Variants in SMAGP observed in about 807,000 individuals in gnomAD.
SMAGP encodes the protein small cell adhesion glycoprotein, also known as small cell transmembrane and glycosylated protein.
SMAGP carries 7 observed loss-of-function variants against 10.1 expected under a neutral mutation model. The ratio of observed to expected loss-of-function variants is 0.70; its 90% CI spans 0.40 to 1.31. The LOEUF is 1.31. Ranked by LOEUF, SMAGP falls within the 50% of genes most tolerant of loss-of-function variation. SMAGP has a pLI of 0.01. For synonymous variants in SMAGP, 49 were observed against 47.2 expected (o/e 1.04, Z -0.16); for missense variants, 113 against 116.5 (o/e 0.97, Z 0.14).
At chr12:51,258,590 C>T (rs1944905399) in intron 2 of SMAGP, among the ~76,000 whole-genome samples, 4 of 147,774 alleles carry the variant, frequency 2.7e-5, no homozygotes, top group Admixed American at 2.7e-4. Flanking sequence ...GAGACTCCAT[C>T]TCAAAAAAAA....
chr12:51,255,519 A>G (rs1944876984), intron 2 of SMAGP, among the ~76,000 whole-genome samples: 1 of 152,142 alleles, frequency 6.6e-6, no homozygotes, highest in African/African-American at 2.4e-5. Context: ...CTGCTAGAGG[A>G]TGAGAGGCCA....
chr12:51,269,928 C>G (rs1359405388), intron 1 of SMAGP: 3 of 149,782 alleles, frequency 2.0e-5, no homozygotes, highest in Non-Finnish European at 4.4e-5. Context: ...TCACTGGGCC[C>G]CAGCCCGCGC....
chr12:51,270,189 C>G, intron 1 of SMAGP, 67 bp downstream of exon 1: 1 of 152,420 alleles, frequency 6.6e-6, no homozygotes, highest in East Asian at 1.9e-4. Flanking sequence ...CCTGCCACGG[C>G]CGAGGTGGCT....
Position 51,245,818 on chromosome 12 carries a change from G to A in SMAGP, c.*123C>T. The A allele has an allele frequency of 2.6e-6, 3 of 1,138,808 alleles. No individual in the cohort carries two copies. Among genetic ancestry groups the A allele is most frequent in the African/African-American group, 1.6e-5 (1 of 64,304 alleles). The allele number at this position is 1,138,808 out of a possible 1,614,324, so 70.5% of individuals were successfully genotyped here. On this transcript the variant is annotated 3_prime_UTR_variant, in exon 4 of 4. Transcript: ENST00000603798. ...CGGCATTTGGGACTGCGACCTGGCT[G>A]GAGCTTGGATTTGCCCACATCAATC...
intron 2 of SMAGP, among the ~76,000 whole-genome samples, chr12:51,251,856 TCTTTAG>T (rs976332508): frequency 1.3e-5 from 2 of 152,162 alleles, no homozygotes; most frequent in Non-Finnish European, 1.5e-5. Context: ...CTCCCCACCC[TCTTTAG>T]CTTTAATGTT....
At position 51,246,774 on chromosome 12, in the gene SMAGP, C is replaced by T. The variant is rs1458740682; in HGVS notation, c.92G>A (p.Gly31Glu). ...ACCTGCAATGAGTGCTGTGCTGGCT[C>T]CATCTTCTGGGGACAGGGCCTCAGT... ...QPTEALSPED[G>E]ASTALIAVVI... The change falls in exon 3 of 4, where the codon GGA becomes GAA. Residue 31 changes from glycine to glutamate, a missense_variant. Transcript: ENST00000603798. The T allele has an allele frequency of 1.3e-6, 2 of 1,587,568 alleles. No homozygotes were observed. The highest frequency in any genetic ancestry group is 2.3e-5 in the East Asian group (1 of 43,486).
At chr12:51,246,714 C>A in intron 3 of SMAGP, 37 bp downstream of exon 3, 1 of 1,479,560 alleles carries the variant, frequency 6.8e-7, no homozygotes, top group South Asian at 1.3e-5. Context: ...TGCCCTTGAT[C>A]CAGAAGGTCC....
chr12:51,245,859 C>A lies in SMAGP; in HGVS notation c.*82G>T. The A allele has an allele frequency of 6.7e-7, 1 of 1,481,582 alleles. No individual in the cohort carries two copies. Among genetic ancestry groups the A allele is most frequent in the Non-Finnish European group, 9.1e-7 (1 of 1,098,496 alleles). 91.8% of individuals were successfully genotyped at this position (1,481,582 alleles called of 1,614,324 possible). ...CACATCAATCAATGCTTCTCCCTGG[C>A]TTCAGAGAAAACTTTCCCATAATAA... On this transcript the variant is annotated 3_prime_UTR_variant, in exon 4 of 4. Transcript: ENST00000603798.
intron 2 of SMAGP, among the ~76,000 whole-genome samples, chr12:51,255,998 T>C (rs1413664391): frequency 1.3e-5 from 2 of 152,192 alleles, no homozygotes; most frequent in Non-Finnish European, 2.9e-5. Context: ...CTTGAACTCC[T>C]AACCTCAAGT....
rs375883311 is a variant in SMAGP at position 51,269,406 on chromosome 12, G to A, written c.-38-90C>T. The A allele has an allele frequency of 7.2e-6, 7 of 965,594 alleles. No individual in the cohort carries two copies. The East Asian group carries it at 1.5e-4, about 20-fold the overall frequency. The allele number at this position is 965,594 out of a possible 1,614,324, so 59.8% of individuals were successfully genotyped here. A position where few individuals can be genotyped will look rare whatever the true frequency, so the allele number is the denominator to read the frequency against. On this transcript the variant is annotated intron_variant, in intron 1 of 3. Coordinates refer to ENST00000603798, the MANE Select transcript of SMAGP (RefSeq NM_001031628.2). ...GTCCCAGGAAAGCCTCTGGTGCCAG[G>A]TTCTCCCAAGTCCCTTCCCCTTTTT...
chr12:51,258,702 G>T (rs1225223259), intron 2 of SMAGP, among the ~76,000 whole-genome samples: 2 of 152,106 alleles, frequency 1.3e-5, no homozygotes, highest in Non-Finnish European at 2.9e-5. Context: ...GGGTTGTTAA[G>T]GGATGAAGTG....
Position 51,247,214 on chromosome 12 carries a change from C to T in SMAGP, c.35-383G>A, listed in dbSNP as rs143196530. Reference sequence around the variant, plus strand: ...TTGTTGTGACATTTAATAAGTCACTCAGTAGGATAAGCCATTATTAGGAAT... The same window carrying T: ...TTGTTGTGACATTTAATAAGTCACTTAGTAGGATAAGCCATTATTAGGAAT... On this transcript the variant is annotated intron_variant, in intron 2 of 3. Coordinates refer to ENST00000603798, the MANE Select transcript of SMAGP (RefSeq NM_001031628.2). Among the ~76,000 whole-genome samples the T allele has an allele frequency of 5.2e-3, 761 of 147,710 alleles. 3 individuals carry two copies. The highest frequency in any genetic ancestry group is 0.017 in the African/African-American group (694 of 39,802).
chr12:51,262,358 T>G (rs1944939225), intron 2 of SMAGP, among the ~76,000 whole-genome samples: 1 of 152,086 alleles, frequency 6.6e-6, no homozygotes, highest in South Asian at 2.1e-4. Context: ...CACGCACCTG[T>G]GATCCCAGCT....
intron 2 of SMAGP, among the ~76,000 whole-genome samples, chr12:51,260,091 G>T (rs1340148755): frequency 6.6e-6 from 1 of 151,808 alleles, no homozygotes; most frequent in East Asian, 1.9e-4. Flanking sequence ...AAAAATTAAA[G>T]ATTGCTGTTA....
intron 2 of SMAGP, among the ~76,000 whole-genome samples, chr12:51,263,307 C>T (rs190906857): frequency 5.3e-5 from 8 of 151,492 alleles, no homozygotes; most frequent in Admixed American, 2.6e-4. Flanking sequence ...TGCTTGAACC[C>T]GGGAGGCAGA....
chr12:51,257,103 A>G (rs1047256205), intron 2 of SMAGP, among the ~76,000 whole-genome samples: 5 of 152,222 alleles, frequency 3.3e-5, no homozygotes, highest in African/African-American at 1.2e-4. Flanking sequence ...AAAGGTGAGT[A>G]GAGAAAGGCT....
chr12:51,265,848 C>T (rs192596291), intron 2 of SMAGP, among the ~76,000 whole-genome samples: 2,237 of 152,166 alleles, frequency 0.015, 18 homozygotes, highest in Non-Finnish European at 0.025. Flanking sequence ...TTTGGGAGGC[C>T]GAGGTGGGCG....
chr12:51,251,127 C>T (rs897565297), intron 2 of SMAGP, among the ~76,000 whole-genome samples: 4 of 151,926 alleles, frequency 2.6e-5, no homozygotes, highest in African/African-American at 9.7e-5. Flanking sequence ...GTTCAATCAT[C>T]AACAGTAACT....
chr12:51,262,969 G>A (rs1012032779), intron 2 of SMAGP, among the ~76,000 whole-genome samples: 1 of 152,180 alleles, frequency 6.6e-6, no homozygotes, highest in African/African-American at 2.4e-5. Flanking sequence ...CCAGCCAGTT[G>A]GGTGGAGTGA....
Sources: allele counts gnomAD v4.1 joint callset (sites outside exome capture counted in the v4.1 genomes callset), GRCh38; gene constraint gnomAD v4.1.1; transcripts MANE v1.5; gene names NCBI Gene and HGNC (gene_info 2026-07-23, HGNC 2026-07-21).